Variants in CSGALNACT1 observed in about 807,000 individuals in gnomAD.
The protein encoded by CSGALNACT1 is chondroitin sulfate N-acetylgalactosaminyltransferase 1.
In CSGALNACT1, 52 loss-of-function variants were observed where a neutral mutation model predicts 51.0. That is an observed-to-expected ratio of 1.02 (90% CI 0.82 to 1.29). The LOEUF is 1.29. Among genes scored for constraint, CSGALNACT1 ranks in the 50% most tolerant of loss-of-function variants. The probability of loss-of-function intolerance (pLI) is 0.00; values close to 1 mark genes in which losing one functional copy is unlikely to be tolerated. For synonymous variants in CSGALNACT1, 341 were observed against 254.4 expected, an observed-to-expected ratio of 1.34 and a Z score of -3.24; for missense variants, 935 against 679.2, an observed-to-expected ratio of 1.38 and a Z score of -4.19.
intron 3 of CSGALNACT1, among the ~76,000 whole-genome samples, chr8:19,513,436 C>CTCTCTCTCTCTATATATATATATATATA: frequency 1.5e-4 from 12 of 81,966 alleles, no homozygotes; most frequent in Non-Finnish European, 2.3e-4. Flanking sequence ...CTCTCTCTCT[C>CTCTCTCTCTCTATATATATATATATATA]TATATATATA....
At chr8:19,496,209 T>C (rs994353867) in intron 4 of CSGALNACT1, among the ~76,000 whole-genome samples, 2 of 152,166 alleles carry the variant, frequency 1.3e-5, no homozygotes, top group Non-Finnish European at 2.9e-5. Flanking sequence ...TCAAAGAATA[T>C]GTATCTGGTA....
intron 1 of CSGALNACT1, among the ~76,000 whole-genome samples, chr8:19,662,970 G>A (rs180903926): frequency 6.6e-6 from 1 of 152,314 alleles, no homozygotes; most frequent in Admixed American, 6.5e-5. Context: ...AGGCACATCT[G>A]TAATGATGCA....
chr8:19,497,460 C>T (rs1033829435), intron 4 of CSGALNACT1, among the ~76,000 whole-genome samples: 2 of 152,108 alleles, frequency 1.3e-5, no homozygotes, highest in African/African-American at 4.8e-5. Context: ...CTACCTCCCC[C>T]GACCACATCA....
chr8:19,459,999 G>A (rs990773270), intron 4 of CSGALNACT1, among the ~76,000 whole-genome samples: 1 of 152,130 alleles, frequency 6.6e-6, no homozygotes, highest in Admixed American at 6.5e-5. Context: ...CTAGGTGACA[G>A]AATTTCCCAA....
chr8:19,743,591 AC>A (rs2064452818), intron 1 of CSGALNACT1, among the ~76,000 whole-genome samples: 1 of 152,228 alleles, frequency 6.6e-6, no homozygotes, highest in East Asian at 1.9e-4. Context: ...GTAAGGGTTC[AC>A]CACATGGACT....
intron 1 of CSGALNACT1, chr8:19,689,027 G>C (rs1190556362): frequency 6.6e-6 from 1 of 152,144 alleles, no homozygotes; most frequent in Admixed American, 6.5e-5. Context: ...GTTTGGCTAG[G>C]GTAAATGTTA....
At chr8:19,629,483 C>T (rs1455244130) in intron 1 of CSGALNACT1, among the ~76,000 whole-genome samples, 1 of 152,182 alleles carries the variant, frequency 6.6e-6, no homozygotes, top group African/African-American at 2.4e-5. Context: ...CAGAGAGGCT[C>T]AACTCCTGCC....
At chr8:19,640,811 T>C (rs2056648141) in intron 1 of CSGALNACT1, among the ~76,000 whole-genome samples, 1 of 152,200 alleles carries the variant, frequency 6.6e-6, no homozygotes, top group Non-Finnish European at 1.5e-5. Context: ...AAAAAGATTA[T>C]GAAATCTTTA....
intron 1 of CSGALNACT1, among the ~76,000 whole-genome samples, chr8:19,720,950 C>T (rs1227768588): frequency 2.6e-5 from 4 of 152,208 alleles, no homozygotes; most frequent in Non-Finnish European, 5.9e-5. Flanking sequence ...CAGATCTCAT[C>T]TCCTATAGGA....
At chr8:19,489,200 A>T (rs1391242834) in intron 4 of CSGALNACT1, among the ~76,000 whole-genome samples, 1 of 152,200 alleles carries the variant, frequency 6.6e-6, no homozygotes, top group Non-Finnish European at 1.5e-5. Flanking sequence ...TATGATTATT[A>T]CAACAGAAAT....
chr8:19,419,325 AAG>A (rs1434795902), intron 7 of CSGALNACT1, among the ~76,000 whole-genome samples: 10 of 152,160 alleles, frequency 6.6e-5, no homozygotes, highest in Admixed American at 2.6e-4. Flanking sequence ...GGGGGTGTGA[AAG>A]AGAGTCCTGG....
intron 3 of CSGALNACT1, among the ~76,000 whole-genome samples, chr8:19,548,250 T>C (rs2086968837): frequency 1.3e-5 from 2 of 152,214 alleles, no homozygotes; most frequent in African/African-American, 4.8e-5. Context: ...TTTTTTCTAA[T>C]GCTTAATATT....
At chr8:19,589,625 A>C (rs114420744) in intron 3 of CSGALNACT1, among the ~76,000 whole-genome samples, 4,051 of 152,224 alleles carry the variant, frequency 0.027, 194 homozygotes, top group African/African-American at 0.093. Flanking sequence ...GCCACCGTGC[A>C]CAGTCTAGGA....
exon 6 of CSGALNACT1, chr8:19,439,901 G>C: frequency 6.2e-7 from 1 of 1,614,026 alleles, no homozygotes; most frequent in Non-Finnish European, 8.5e-7. Context: ...CAGTGAGATG[G>C]ACTCTCCCAT....
intron 5 of CSGALNACT1, among the ~76,000 whole-genome samples, chr8:19,450,666 G>A (rs539320945): frequency 1.3e-5 from 2 of 152,250 alleles, no homozygotes; most frequent in East Asian, 3.9e-4. Context: ...GGAGGCTGAG[G>A]CAGGCTGTAA....
intron 3 of CSGALNACT1, among the ~76,000 whole-genome samples, chr8:19,521,048 G>A (rs781520448): frequency 7.9e-5 from 12 of 152,154 alleles, no homozygotes; most frequent in South Asian, 2.1e-4. Context: ...GTCCTGGAGC[G>A]TAAGGGCAAA....
At chr8:19,494,436 G>A (rs536650680) in intron 4 of CSGALNACT1, among the ~76,000 whole-genome samples, 79 of 152,222 alleles carry the variant, frequency 5.2e-4, no homozygotes, top group African/African-American at 1.8e-3. Context: ...CTGTACACTT[G>A]TTTAATACAT....
intron 1 of CSGALNACT1, among the ~76,000 whole-genome samples, chr8:19,716,954 G>C (rs866319300): frequency 6.6e-6 from 1 of 152,124 alleles, no homozygotes; most frequent in Non-Finnish European, 1.5e-5. Flanking sequence ...TCCTACACTA[G>C]AGCCACAGCT....
At chr8:19,588,804 C>T (rs771137868) in intron 3 of CSGALNACT1, among the ~76,000 whole-genome samples, 118 of 152,134 alleles carry the variant, frequency 7.8e-4, no homozygotes, top group Non-Finnish European at 1.4e-3. Flanking sequence ...GGCAGAAGAC[C>T]CAGATCCTAG....
Sources: gnomAD v4.1 joint callset for allele counts (sites outside exome capture counted in the v4.1 genomes callset) on GRCh38, gnomAD v4.1.1 for gene constraint, MANE v1.5 for transcripts, NCBI Gene and HGNC (gene_info 2026-07-23, HGNC 2026-07-21) for gene names.